Variants in CCNY observed in about 807,000 individuals in gnomAD.
CCNY encodes the protein cyclin-Y.
CCNY carries 19 observed loss-of-function variants against 42.8 expected under a neutral mutation model. The observed-to-expected ratio is 0.44, with a 90% CI of 0.31 to 0.65. CCNY has a LOEUF of 0.65. Ranked by LOEUF, CCNY falls within the 30% of genes least tolerant of loss-of-function variation. CCNY has a pLI of 0.07. For missense variants in CCNY, 370 were observed against 437.3 expected (o/e 0.85, Z 1.37); for synonymous variants, 165 against 162.7 (o/e 1.01, Z -0.11).
intron 1 of CCNY, among the ~76,000 whole-genome samples, chr10:35,402,682 A>G (rs562298599): frequency 6.6e-6 from 1 of 152,328 alleles, no homozygotes; most frequent in South Asian, 2.1e-4. Flanking sequence ...AGAGGGTGGC[A>G]TAAGAACAGG....
intron 3 of CCNY, among the ~76,000 whole-genome samples, chr10:35,290,749 G>A (rs116680639): frequency 0.011 from 1,685 of 152,076 alleles, 41 homozygotes; most frequent in African/African-American, 0.039. Flanking sequence ...ATTGCTTGAG[G>A]TCAGGAGTTC....
chr10:35,552,274 A>G (rs1477799588), intron 7 of CCNY, among the ~76,000 whole-genome samples: 1 of 152,236 alleles, frequency 6.6e-6, no homozygotes, highest in Non-Finnish European at 1.5e-5. Context: ...ACAGAAAAGG[A>G]CGAATATTTT....
chr10:35,566,205 C>A lies in CCNY; in HGVS notation c.909+20C>A. 1 of 1,606,860 alleles carries A rather than the reference C, an allele frequency of 6.2e-7. No individual in the cohort carries two copies. On this transcript the variant is annotated intron_variant, in intron 9 of 9. Transcript: ENST00000374704. ...CTTGAGGTAAGATGGTTTAAAACAG[C>A]GTTTTGTGGTGCAGTGTTGCCAATA...
At chr10:35,484,696 G>C (rs1839746757) in intron 2 of CCNY, among the ~76,000 whole-genome samples, 1 of 152,042 alleles carries the variant, frequency 6.6e-6, no homozygotes, top group African/African-American at 2.4e-5. Flanking sequence ...AAAAAAGAGG[G>C]TCAAAACCAA....
chr10:35,472,430 CTT>C (rs1242310521), intron 1 of CCNY, among the ~76,000 whole-genome samples: 2 of 152,164 alleles, frequency 1.3e-5, no homozygotes, highest in Non-Finnish European at 2.9e-5. Context: ...TAGAGTCAGT[CTT>C]GATGGGTTTT....
At chr10:35,394,602 C>T (rs956401801) in intron 1 of CCNY, among the ~76,000 whole-genome samples, 6 of 152,202 alleles carry the variant, frequency 3.9e-5, no homozygotes, top group Admixed American at 3.3e-4. Context: ...TGCAGGGTGG[C>T]ACTTCATGGC....
intron 1 of CCNY, among the ~76,000 whole-genome samples, chr10:35,360,072 G>A (rs919605689): frequency 5.3e-5 from 8 of 152,278 alleles, no homozygotes; most frequent in African/African-American, 1.7e-4. Flanking sequence ...CTAGGCACAC[G>A]AGTGTTGAAA....
intron 2 of CCNY, among the ~76,000 whole-genome samples, chr10:35,489,601 CT>C (rs1371304828): frequency 1.3e-5 from 2 of 151,944 alleles, no homozygotes; most frequent in Admixed American, 6.5e-5. Context: ...CTTTGTTCAT[CT>C]ATATAAATAG....
intron 9 of CCNY, 84 bp from the exon 10 acceptor site, chr10:35,568,970 G>GAGT: frequency 1.2e-6 from 1 of 865,514 alleles, no homozygotes; most frequent in Non-Finnish European, 1.9e-6. Context: ...TGTCCCTCAT[G>GAGT]CAGCGCCCTC....
intron 3 of CCNY, among the ~76,000 whole-genome samples, chr10:35,326,228 G>A (rs1835878842): frequency 6.6e-6 from 1 of 151,834 alleles, no homozygotes; most frequent in African/African-American, 2.4e-5. Context: ...TGCCTGGCCT[G>A]GAAAATATTT....
chr10:35,405,429 T>C (rs894530984), intron 1 of CCNY, among the ~76,000 whole-genome samples: 1 of 152,042 alleles, frequency 6.6e-6, no homozygotes, highest in African/African-American at 2.4e-5. Flanking sequence ...GGCAGTGAGG[T>C]ACAGCTGTAG....
intron 7 of CCNY, among the ~76,000 whole-genome samples, chr10:35,552,184 C>T (rs1841272601): frequency 6.6e-6 from 1 of 152,178 alleles, no homozygotes; most frequent in Admixed American, 6.5e-5. Flanking sequence ...GAATATTATT[C>T]AGCCTTAAAA....
intron 1 of CCNY, among the ~76,000 whole-genome samples, chr10:35,369,742 G>A (rs1836887737): frequency 6.6e-6 from 1 of 152,164 alleles, no homozygotes; most frequent in Non-Finnish European, 1.5e-5. Flanking sequence ...AATGTTTCTT[G>A]TTCTGCACAT....
chr10:35,430,336 C>CAAAAAA (rs397954370), intron 1 of CCNY, among the ~76,000 whole-genome samples: 23 of 55,586 alleles, frequency 4.1e-4, no homozygotes, highest in Admixed American at 1.8e-3. Flanking sequence ...GACTCCGTCT[C>CAAAAAA]AAAAAAAAAA....
At chr10:35,536,335 T>C (rs909777850) in intron 7 of CCNY, among the ~76,000 whole-genome samples, 6 of 152,162 alleles carry the variant, frequency 3.9e-5, no homozygotes, top group African/African-American at 1.2e-4. Flanking sequence ...CTCTTTTTTT[T>C]CCCAGTCTCG....
At chr10:35,510,798 G>T (rs1840310951) in intron 3 of CCNY, among the ~76,000 whole-genome samples, 2 of 152,168 alleles carry the variant, frequency 1.3e-5, no homozygotes, top group Admixed American at 1.3e-4. Flanking sequence ...TTACGAAAGG[G>T]GTTACTATTA....
chr10:35,492,037 C>T (rs1839909315), intron 2 of CCNY, among the ~76,000 whole-genome samples: 3 of 152,178 alleles, frequency 2.0e-5, no homozygotes, highest in Admixed American at 6.5e-5. Flanking sequence ...CCTCCCCTTC[C>T]TGCCTGGACT....
Position 35,469,374 on chromosome 10 carries a change from C to T in CCNY, c.155-14030C>T, listed in dbSNP as rs76692548. ...TTAGTCTTAACATTAGCATCTTTATCTCCTTGATTAATCTTAAGATAGAAT... is the reference window on the plus strand; with the variant it reads ...TTAGTCTTAACATTAGCATCTTTATTTCCTTGATTAATCTTAAGATAGAAT... On this transcript the variant is annotated intron_variant, in intron 1 of 9. Transcript: ENST00000374704. Among the ~76,000 whole-genome samples the T allele has an allele frequency of 1.8e-4, 28 of 152,274 alleles. No individual in the cohort carries two copies. In the East Asian group the frequency reaches 5.4e-3, roughly 29 times the overall value.
chr10:35,369,146 C>A (rs968333388), intron 1 of CCNY, among the ~76,000 whole-genome samples: 2 of 152,186 alleles, frequency 1.3e-5, no homozygotes, highest in African/African-American at 4.8e-5. Flanking sequence ...GCCGAAATGA[C>A]CTTGCAGTAG....
Sources: gnomAD v4.1 joint callset for allele counts (sites outside exome capture counted in the v4.1 genomes callset) on GRCh38, gnomAD v4.1.1 for gene constraint, MANE v1.5 for transcripts, NCBI Gene and HGNC (gene_info 2026-07-23, HGNC 2026-07-21) for gene names.